Variants in VPS8 observed in about 807,000 individuals in gnomAD.
VPS8 encodes vacuolar protein sorting-associated protein 8 homolog.
A neutral mutation model predicts 216.4 loss-of-function variants in VPS8; 129 were observed. The observed-to-expected ratio is 0.60, with a 90% CI of 0.52 to 0.69. The LOEUF (loss-of-function observed/expected upper bound fraction) is 0.69. VPS8 is among the 30% of genes least tolerant of loss of function. The probability of loss-of-function intolerance (pLI) is 0.00; values close to 1 mark genes in which losing one functional copy is unlikely to be tolerated. For synonymous variants in VPS8, 571 were observed against 565.4 expected (o/e 1.01, Z -0.14); for missense variants, 1,531 against 1,683.5 (o/e 0.91, Z 1.59).
chr3:184,899,955 G>A (rs1424700008), intron 24 of VPS8, among the ~76,000 whole-genome samples: 2 of 152,144 alleles, frequency 1.3e-5, no homozygotes, highest in African/African-American at 2.4e-5. Flanking sequence ...TTTTGTGTTC[G>A]AAGTGTTTAA....
At chr3:184,916,530 A>G (rs963520551) in intron 28 of VPS8, among the ~76,000 whole-genome samples, 1 of 152,060 alleles carries the variant, frequency 6.6e-6, no homozygotes, top group Non-Finnish European at 1.5e-5. Context: ...AATATAATAA[A>G]CTATTAAATT....
chr3:184,854,061 C>A, intron 12 of VPS8, 51 bp downstream of exon 12: 2 of 1,612,104 alleles, frequency 1.2e-6, no homozygotes, highest in South Asian at 1.1e-5. Flanking sequence ...CTTTGAATAC[C>A]AAATATTTGA....
At chr3:185,032,173 A>C (rs74942563) in intron 46 of VPS8, among the ~76,000 whole-genome samples, 5,347 of 151,644 alleles carry the variant, frequency 0.035, 155 homozygotes, top group East Asian at 0.1. Flanking sequence ...TAAAAAAAAA[A>C]CAAACAAGTT....
At chr3:184,849,243 T>C (rs1326142567) in intron 9 of VPS8, 48 bp downstream of exon 9, 1 of 1,584,940 alleles carries the variant, frequency 6.3e-7, no homozygotes, top group African/African-American at 1.4e-5. Flanking sequence ...TAAAACAAGA[T>C]GAATTTACAA....
At chr3:184,902,091 G>T (rs1734589980) in intron 25 of VPS8, among the ~76,000 whole-genome samples, 1 of 141,438 alleles carries the variant, frequency 7.1e-6, no homozygotes. Flanking sequence ...ATCTTCTTTT[G>T]TGAATTGTTT....
chr3:184,996,865 A>C (rs1443867467), intron 44 of VPS8, among the ~76,000 whole-genome samples: 1 of 152,212 alleles, frequency 6.6e-6, no homozygotes, highest in Non-Finnish European at 1.5e-5. Context: ...TATCCTTTAA[A>C]GGTAGGGATA....
At chr3:185,042,175 C>T (rs1026700489) in intron 46 of VPS8, among the ~76,000 whole-genome samples, 1 of 152,190 alleles carries the variant, frequency 6.6e-6, no homozygotes, top group African/African-American at 2.4e-5. Context: ...CATAACACCT[C>T]CTTAAAAGAG....
intron 15 of VPS8, 37 bp downstream of exon 15, chr3:184,860,102 C>A (rs1293340360): frequency 2.7e-6 from 4 of 1,472,814 alleles, no homozygotes; most frequent in Non-Finnish European, 3.8e-6. Context: ...CCATTTAGTT[C>A]ATGTAATTGT....
intron 45 of VPS8, among the ~76,000 whole-genome samples, chr3:185,020,182 A>C (rs1429605830): frequency 6.6e-6 from 1 of 152,232 alleles, no homozygotes; most frequent in Non-Finnish European, 1.5e-5. Context: ...AAAATAACCT[A>C]AATGTCCCAA....
chr3:184,970,954 G>T (rs879332714), intron 39 of VPS8, among the ~76,000 whole-genome samples: 2 of 152,198 alleles, frequency 1.3e-5, no homozygotes, highest in Non-Finnish European at 2.9e-5. Flanking sequence ...TGGGGTGAAG[G>T]AGAGGGAAGC....
chr3:185,033,358 G>C (rs1271988259), intron 46 of VPS8, among the ~76,000 whole-genome samples: 1 of 152,122 alleles, frequency 6.6e-6, no homozygotes, highest in Non-Finnish European at 1.5e-5. Flanking sequence ...GCCTTTTCTA[G>C]AATGGCATGT....
chr3:184,920,330 T>G, intron 29 of VPS8, 132 bp downstream of exon 29: 2 of 599,042 alleles, frequency 3.3e-6, no homozygotes, highest in Non-Finnish European at 2.7e-6. Context: ...TATTACGGTG[T>G]CTTTGTTCTC....
intron 9 of VPS8, chr3:184,849,433 T>C (rs1577885116): frequency 5.6e-6 from 2 of 354,374 alleles, no homozygotes; most frequent in East Asian, 1.3e-4. Context: ...GAGTAAATAA[T>C]TTTTGTAAAC....
At chr3:184,995,947 T>C (rs978862902) in intron 43 of VPS8, among the ~76,000 whole-genome samples, 2 of 152,228 alleles carry the variant, frequency 1.3e-5, no homozygotes, top group African/African-American at 4.8e-5. Context: ...GCTGTATTCT[T>C]TATTACAACA....
chr3:185,009,105 C>G (rs886314743), intron 45 of VPS8, among the ~76,000 whole-genome samples: 8 of 152,182 alleles, frequency 5.3e-5, no homozygotes, highest in African/African-American at 1.9e-4. Flanking sequence ...AGCAGTCAGA[C>G]TTTTGAAGTT....
At chr3:184,862,685 C>T (rs1371924878) in intron 15 of VPS8, among the ~76,000 whole-genome samples, 1 of 152,218 alleles carries the variant, frequency 6.6e-6, no homozygotes, top group East Asian at 1.9e-4. Context: ...ATGAAAGTGT[C>T]ATTTTAACAT....
intron 46 of VPS8, among the ~76,000 whole-genome samples, chr3:185,044,215 G>T (rs139348738): frequency 6.6e-6 from 1 of 152,102 alleles, no homozygotes; most frequent in African/African-American, 2.4e-5. Context: ...AGTGACTTTC[G>T]TCAGGCTTCT....
intron 46 of VPS8, among the ~76,000 whole-genome samples, chr3:185,032,782 C>T (rs1758355483): frequency 1.3e-5 from 2 of 152,122 alleles, no homozygotes; most frequent in South Asian, 4.1e-4. Flanking sequence ...TCTCCTGCCT[C>T]AGCCTCCCGA....
intron 1 of VPS8, among the ~76,000 whole-genome samples, chr3:184,823,113 GAATT>G (rs1248808159): frequency 6.6e-5 from 10 of 152,130 alleles, no homozygotes; most frequent in South Asian, 4.1e-4. Flanking sequence ...CAAAGGAAGT[GAATT>G]AATTATAGGT....
Sources: gnomAD v4.1 joint callset for allele counts (sites outside exome capture counted in the v4.1 genomes callset) on GRCh38, gnomAD v4.1.1 for gene constraint, MANE v1.5 for transcripts, NCBI Gene and HGNC (gene_info 2026-07-23, HGNC 2026-07-21) for gene names.